PRKCE: variants seen among roughly 807,000 people sequenced by gnomAD.
PRKCE encodes the protein protein kinase C epsilon type.
In PRKCE, 16 loss-of-function variants were observed where a neutral mutation model predicts 85.4. That is an observed-to-expected ratio of 0.19 (90% CI 0.13 to 0.28). PRKCE has a LOEUF of 0.28. Ranked by LOEUF, PRKCE falls within the 10% of genes least tolerant of loss-of-function variation. The probability of loss-of-function intolerance (pLI) is 1.00; values close to 1 mark genes in which losing one functional copy is unlikely to be tolerated. For missense variants in PRKCE, 573 were observed against 975.2 expected, an observed-to-expected ratio of 0.59 and a Z score of 5.49; for synonymous variants, 388 against 371.5, an observed-to-expected ratio of 1.04 and a Z score of -0.51.
intron 5 of PRKCE, among the ~76,000 whole-genome samples, chr2:45,982,414 G>T (rs1702964392): frequency 6.6e-6 from 1 of 152,082 alleles, no homozygotes; most frequent in East Asian, 1.9e-4. Context: ...GGACTTCTTG[G>T]GTGTCCTGCA....
Position 46,135,746 on chromosome 2 carries a change from C to CTTTTTTTTTTTTTTTTTTT in PRKCE, c.1593-9338_1593-9320dup, listed in dbSNP as rs11417233. ...ACCTTGGGTTCAGAAACAAATTATG[C>CTTTTTTTTTTTTTTTTTTT]TTTTTTTTTTTTTTTTTTTTTTTTT... On this transcript the variant is annotated intron_variant, in intron 11 of 14. Coordinates refer to ENST00000306156, the MANE Select transcript of PRKCE (RefSeq NM_005400.3). Among the ~76,000 whole-genome samples the CTTTTTTTTTTTTTTTTTTT allele has an allele frequency of 2.9e-4, 6 of 20,666 alleles. 2 individuals are homozygous for CTTTTTTTTTTTTTTTTTTT. Among genetic ancestry groups the CTTTTTTTTTTTTTTTTTTT allele is most frequent in the East Asian group, 3.5e-3 (2 of 564 alleles). The allele number at this position is 20,666 out of a possible 152,430, so 13.6% of individuals were successfully genotyped here. A position where few individuals can be genotyped will look rare whatever the true frequency, so the allele number is the denominator to read the frequency against.
chr2:45,678,209 C>G (rs1291410797), intron 1 of PRKCE, among the ~76,000 whole-genome samples: 1 of 152,072 alleles, frequency 6.6e-6, no homozygotes, highest in Non-Finnish European at 1.5e-5. Context: ...TAATGTTCTA[C>G]CCATTTCAAA....
intron 1 of PRKCE, among the ~76,000 whole-genome samples, chr2:45,830,088 A>C (rs1007477379): frequency 1.3e-5 from 2 of 151,836 alleles, no homozygotes; most frequent in African/African-American, 4.8e-5. Context: ...AAAAAAAAAA[A>C]AAAAAAAAAT....
intron 11 of PRKCE, among the ~76,000 whole-genome samples, chr2:46,133,615 T>A (rs898690018): frequency 1.3e-5 from 2 of 152,118 alleles, no homozygotes; most frequent in Non-Finnish European, 2.9e-5. Context: ...ACCCTGCCCA[T>A]CATTTCGTTC....
chr2:46,069,307 G>A (rs1340545981), intron 10 of PRKCE, among the ~76,000 whole-genome samples: 1 of 152,134 alleles, frequency 6.6e-6, no homozygotes, highest in African/African-American at 2.4e-5. Flanking sequence ...GAAATTACAT[G>A]ACTGTTCTCT....
At chr2:45,680,911 C>A (rs1371295421) in intron 1 of PRKCE, among the ~76,000 whole-genome samples, 1 of 152,302 alleles carries the variant, frequency 6.6e-6, no homozygotes, top group South Asian at 2.1e-4. Flanking sequence ...CTACTGTGTT[C>A]CAGGCCACCA....
chr2:46,112,636 A>G (rs1468164809), intron 11 of PRKCE, among the ~76,000 whole-genome samples: 1 of 152,032 alleles, frequency 6.6e-6, no homozygotes, highest in Non-Finnish European at 1.5e-5. Context: ...CTCATGCCTC[A>G]GCCACCCCAA....
At chr2:46,131,220 C>T (rs1315686197) in intron 11 of PRKCE, among the ~76,000 whole-genome samples, 2 of 152,166 alleles carry the variant, frequency 1.3e-5, no homozygotes, top group Non-Finnish European at 2.9e-5. Flanking sequence ...GGGATGGAGT[C>T]AGAGGCAGGG....
chr2:46,042,069 T>TG (rs1418058260), intron 10 of PRKCE, among the ~76,000 whole-genome samples: 1 of 152,248 alleles, frequency 6.6e-6, no homozygotes, highest in Non-Finnish European at 1.5e-5. Flanking sequence ...TACTGACTAC[T>TG]GGGATTACCA....
chr2:45,845,673 T>C (rs994415849), intron 2 of PRKCE: 10 of 152,236 alleles, frequency 6.6e-5, no homozygotes, highest in Admixed American at 2.0e-4. Context: ...CTTGCTCATA[T>C]GCTGTTAGAA....
chr2:45,924,821 C>T (rs755841895), intron 2 of PRKCE, among the ~76,000 whole-genome samples: 29 of 152,148 alleles, frequency 1.9e-4, no homozygotes, highest in Non-Finnish European at 1.5e-4. Flanking sequence ...AGGCTGAATG[C>T]AGGACTTGGA....
intron 1 of PRKCE, among the ~76,000 whole-genome samples, chr2:45,822,810 T>C (rs1689642973): frequency 6.6e-6 from 1 of 152,364 alleles, no homozygotes; most frequent in Non-Finnish European, 1.5e-5. Context: ...CTTCTGTCTC[T>C]GTAAGGAGAG....
At chr2:46,129,093 C>G (rs1674153743) in intron 11 of PRKCE, among the ~76,000 whole-genome samples, 1 of 152,198 alleles carries the variant, frequency 6.6e-6, no homozygotes, top group Admixed American at 6.5e-5. Flanking sequence ...TGCACCCTCT[C>G]TAGGTCTCAG....
chr2:45,832,140 A>C (rs7602563), intron 1 of PRKCE, among the ~76,000 whole-genome samples: 19,930 of 152,150 alleles, frequency 0.13, 2,544 homozygotes, highest in African/African-American at 0.32. Flanking sequence ...TGATGCAGGA[A>C]TATTCCCCGG....
intron 1 of PRKCE, among the ~76,000 whole-genome samples, chr2:45,800,296 A>G (rs1687757192): frequency 6.6e-6 from 1 of 152,238 alleles, no homozygotes; most frequent in South Asian, 2.1e-4. Context: ...GCTGTTCAGT[A>G]TAAGTCACCT....
chr2:46,047,065 A>G (rs182086444), intron 10 of PRKCE, among the ~76,000 whole-genome samples: 2 of 152,272 alleles, frequency 1.3e-5, no homozygotes, highest in East Asian at 3.9e-4. Flanking sequence ...GGAGAGGTGT[A>G]TCTGATATTC....
chr2:46,113,438 A>G (rs1050515890), intron 11 of PRKCE, among the ~76,000 whole-genome samples: 4 of 152,224 alleles, frequency 2.6e-5, no homozygotes, highest in Admixed American at 2.0e-4. Flanking sequence ...AGGACCTAGC[A>G]GGGGCCCAAA....
intron 1 of PRKCE, among the ~76,000 whole-genome samples, chr2:45,684,269 C>T (rs898569041): frequency 7.9e-5 from 12 of 152,170 alleles, no homozygotes; most frequent in African/African-American, 2.9e-4. Flanking sequence ...ATCTAGACCT[C>T]TTTGATTAAC....
intron 1 of PRKCE, among the ~76,000 whole-genome samples, chr2:45,691,903 G>A (rs952319208): frequency 6.6e-6 from 1 of 152,218 alleles, no homozygotes; most frequent in Non-Finnish European, 1.5e-5. Flanking sequence ...TTAGAACTCA[G>A]CCCATCTTTG....
Sources: gnomAD v4.1 joint callset for allele counts (sites outside exome capture counted in the v4.1 genomes callset) on GRCh38, gnomAD v4.1.1 for gene constraint, MANE v1.5 for transcripts, NCBI Gene and HGNC (gene_info 2026-07-23, HGNC 2026-07-21) for gene names.